Variants in SERINC1 observed in about 807,000 individuals in gnomAD.
SERINC1 encodes tumor differentially expressed protein 2.
Under a neutral mutation model 52.9 loss-of-function variants are expected in SERINC1, and 38 were observed. That is an observed-to-expected ratio of 0.72 (90% CI 0.55 to 0.94). The LOEUF is 0.94. SERINC1 is among the 40% of genes least tolerant of loss of function. SERINC1 has a pLI of 0.00. For missense variants in SERINC1, 471 were observed against 533.9 expected, an observed-to-expected ratio of 0.88 and a Z score of 1.16; for synonymous variants, 198 against 183.1, an observed-to-expected ratio of 1.08 and a Z score of -0.66.
intron 1 of SERINC1, among the ~76,000 whole-genome samples, chr6:122,460,210 T>C (rs1775076988): frequency 6.6e-6 from 1 of 152,274 alleles, no homozygotes. Context: ...GTAGCTGGGA[T>C]TGCAGGCGTG....
intron 1 of SERINC1, among the ~76,000 whole-genome samples, chr6:122,466,057 G>C (rs557880675): frequency 2.2e-4 from 33 of 152,100 alleles, no homozygotes; most frequent in Admixed American, 2.6e-4. Flanking sequence ...CCAACATGGT[G>C]AAACAGTCTC....
Position 122,454,224 on chromosome 6 carries a change from C to A in SERINC1, c.378G>T (p.Trp126Cys). 1 of 1,541,326 alleles carries A rather than the reference C, an allele frequency of 6.5e-7. No homozygotes were observed. The highest frequency in any genetic ancestry group is 2.3e-5 in the East Asian group (1 of 43,708). Residue 126 changes from tryptophan to cysteine, a missense_variant, in exon 4 of 10, where the codon TGG becomes TGT. Coordinates refer to ENST00000339697, the MANE Select transcript of SERINC1 (RefSeq NM_020755.4). Reference protein sequence around the residue: ...DPRAAVHNGFWFFKFAAAIAI... With the variant: ...DPRAAVHNGFCFFKFAAAIAI... ...CAATTGCTGCAGCAAATTTAAAGAA[C>A]CAAAATCTAAAACAAAAAGAAATAT...
rs9490456 is a variant in SERINC1, at chr6:122,459,526, A to G, written c.40-845T>C. Among the ~76,000 whole-genome samples the G allele has an allele frequency of 5.8e-4, 88 of 152,334 alleles. 1 individual carries two copies. The highest frequency in any genetic ancestry group is 2.1e-3 in the African/African-American group (88 of 41,578). ...TAAGGTAAGAATAAAGCTGCTTTAT[A>G]TTAAACGTCCACAAAACGGAAATAC... On this transcript the variant is annotated intron_variant, in intron 1 of 9. Coordinates refer to ENST00000339697, the MANE Select transcript of SERINC1 (RefSeq NM_020755.4).
At chr6:122,446,172 C>A (rs1399922602) in intron 9 of SERINC1, among the ~76,000 whole-genome samples, 1 of 151,528 alleles carries the variant, frequency 6.6e-6, no homozygotes, top group Non-Finnish European at 1.5e-5. Flanking sequence ...TGGACAAAAC[C>A]AGAACTTTCA....
At chr6:122,452,941 A>AT (rs939789498) in intron 5 of SERINC1, among the ~76,000 whole-genome samples, 1 of 152,178 alleles carries the variant, frequency 6.6e-6, no homozygotes, top group African/African-American at 2.4e-5. Flanking sequence ...TTGCACTCCA[A>AT]TTTAAAATTT....
At chr6:122,451,636 A>T in intron 7 of SERINC1, 28 bp downstream of exon 7, 1 of 822,492 alleles carries the variant, frequency 1.2e-6, no homozygotes, top group Non-Finnish European at 2.0e-6. Flanking sequence ...CAGAACCTTT[A>T]GGAACATGTA....
rs374012013 is a variant in SERINC1, at chr6:122,452,376, TAAAG to T, written c.590-323_590-320del. 2.4e-4 allele frequency among the ~76,000 whole-genome samples: 36 copies of T among 152,206 alleles called. No homozygotes were observed. The East Asian group carries it at 3.1e-3, about 13-fold the overall frequency. ...TACATGTTAGCCATTATTTTCAAAATAAAGAAAAATAACTATAAGAGGAATATTA... is the reference window on the plus strand; with the variant it reads ...TACATGTTAGCCATTATTTTCAAAATAAAAATAACTATAAGAGGAATATTA... On this transcript the variant is annotated intron_variant, in intron 5 of 9. Coordinates refer to ENST00000339697, the MANE Select transcript of SERINC1 (RefSeq NM_020755.4).
In SERINC1 at chr6:122,458,627, C is replaced by A. The variant is rs1411668378; in HGVS notation, c.94G>T (p.Gly32Ter). 1 of 1,611,774 alleles carries A rather than the reference C, an allele frequency of 6.2e-7. No homozygotes were observed. Among genetic ancestry groups the A allele is most frequent in the East Asian group, 2.2e-5 (1 of 44,832 alleles). Residue 32 changes from glycine to a stop codon, truncating the protein, a stop_gained, in exon 2 of 10, where the codon GGA becomes TGA. Coordinates refer to ENST00000339697, the MANE Select transcript of SERINC1 (RefSeq NM_020755.4). LOFTEE classifies it high-confidence loss of function. The part of the protein sequence containing the change: ...PCLLCRCCPS[G>*]NNSTVTRLIY... The stretch of plus-strand genomic sequence containing the variant: ...AATCTAGTTACAGTGGAGTTGTTTC[C>A]ACTAGGACAGCATCGGCATAGCAAA...
chr6:122,447,280 C>T lies in SERINC1; in HGVS notation c.851-15G>A. On this transcript the variant is annotated splice_polypyrimidine_tract_variant and intron_variant, in intron 7 of 9. Transcript: ENST00000339697. ...GCAATTTGTTTCTGTAATATAAAGCCAAATTAAAATGTTAGAATATATTAA... is the reference window on the plus strand; with the variant it reads ...GCAATTTGTTTCTGTAATATAAAGCTAAATTAAAATGTTAGAATATATTAA... The T allele has an allele frequency of 6.3e-7, 1 of 1,583,734 alleles. No individual in the cohort carries two copies. Among genetic ancestry groups the T allele is most frequent in the Non-Finnish European group, 8.7e-7 (1 of 1,154,910 alleles).
At position 122,445,095 on chromosome 6, in the gene SERINC1, A is replaced by G. The variant is rs1258971319; in HGVS notation, c.1311T>C (p.Tyr437=). 2.5e-6 allele frequency: 4 copies of G among 1,614,136 alleles called. No homozygotes were observed. Among genetic ancestry groups the G allele is most frequent in the Admixed American group, 1.7e-5 (1 of 60,024 alleles). Residue 437 remains tyrosine, a synonymous_variant, in exon 10 of 10, where the codon TAT becomes TAC. Coordinates refer to ENST00000339697, the MANE Select transcript of SERINC1 (RefSeq NM_020755.4). The stretch of plus-strand genomic sequence containing the variant: ...CAAGTGGTGCCACGAGTGTCCAAAC[A>G]TACAGCACGATGCCAATCCAACTGG... The part of the protein sequence containing the change: ...ISSSWIGIVL[Y]VWTLVAPLVL...
At chr6:122,454,529 C>A in intron 3 of SERINC1, 1 of 274,180 alleles carries the variant, frequency 3.6e-6, no homozygotes, top group South Asian at 6.0e-5. Flanking sequence ...ATAAGAAAGG[C>A]AAGTCAACAT....
At chr6:122,451,776 A>AAAAAAAAT in intron 6 of SERINC1, 22 bp from the exon 7 acceptor site, 74 of 113,018 alleles carry the variant, frequency 6.5e-4, no homozygotes, top group African/African-American at 1.2e-3. Flanking sequence ...AAAAAAAAAA[A>AAAAAAAAT]ATATATATAT....
chr6:122,452,864 T>C (rs1184856064), intron 5 of SERINC1, among the ~76,000 whole-genome samples: 3 of 152,136 alleles, frequency 2.0e-5, no homozygotes, highest in Non-Finnish European at 4.4e-5. Flanking sequence ...CTTGAACCAC[T>C]GAGATAAAAC....
In SERINC1 at chr6:122,454,054, C is replaced by G. The variant is rs534475688; in HGVS notation, c.451+97G>C. 3.5e-5 allele frequency: 40 copies of G among 1,139,438 alleles called. No individual in the cohort carries two copies. In the East Asian group the frequency reaches 9.7e-4, roughly 28 times the overall value. 70.6% of individuals were successfully genotyped at this position (1,139,438 alleles called of 1,614,324 possible). A position where few individuals can be genotyped will look rare whatever the true frequency, so the allele number is the denominator to read the frequency against. Reference sequence around the variant, plus strand: ...TGGGGAAACACACACACACACACCCCCAAACAAAAAGACAAACAATTATAG... The same window carrying G: ...TGGGGAAACACACACACACACACCCGCAAACAAAAAGACAAACAATTATAG... On this transcript the variant is annotated intron_variant, in intron 4 of 9. Coordinates refer to ENST00000339697, the MANE Select transcript of SERINC1 (RefSeq NM_020755.4).
Position 122,447,181 on chromosome 6 carries a change from C to T in SERINC1, c.935G>A (p.Trp312Ter). 1.2e-6 allele frequency: 2 copies of T among 1,612,882 alleles called. No homozygotes were observed. The highest frequency in any genetic ancestry group is 1.7e-6 in the Non-Finnish European group (2 of 1,178,904). The change falls in exon 8 of 10, where the codon TGG becomes TAG. Residue 312 changes from tryptophan (W) to a stop codon, truncating the protein, a stop_gained. Coordinates refer to ENST00000339697, the MANE Select transcript of SERINC1 (RefSeq NM_020755.4). LOFTEE classifies it high-confidence loss of function. The stretch of plus-strand genomic sequence containing the variant: ...TCCTATAATTCCTTGAGCATGCCAC[C>T]ACTGGACTGACTGCCCTTCCTTTGG... ...TVPKEGQSVQ[W>*]WHAQGIIGLI...
chr6:122,470,779 C>A (rs1479849408), intron 1 of SERINC1, among the ~76,000 whole-genome samples: 1 of 152,016 alleles, frequency 6.6e-6, no homozygotes, highest in African/African-American at 2.4e-5. Flanking sequence ...AAATTCCAGA[C>A]TAAAGAAAAG....
In SERINC1 at chr6:122,444,159, T is replaced by G. The variant is rs929432074; in HGVS notation, c.*885A>C. ...ACAGGCATATGCTACAAAGCCCAGA[T>G]TATTTTTTATAGAAACAGGGTTTCA... On this transcript the variant is annotated 3_prime_UTR_variant, in exon 10 of 10. Coordinates refer to ENST00000339697, the MANE Select transcript of SERINC1 (RefSeq NM_020755.4). 6.6e-6 allele frequency: 1 copy of G among 152,092 alleles called. No homozygotes were observed. Among genetic ancestry groups the G allele is most frequent in the Admixed American group, 6.6e-5 (1 of 15,252 alleles). 9.4% of individuals were successfully genotyped at this position (152,092 alleles called of 1,614,324 possible). A position where few individuals can be genotyped will look rare whatever the true frequency, so the allele number is the denominator to read the frequency against.
chr6:122,465,394 T>C (rs1775170926), intron 1 of SERINC1, among the ~76,000 whole-genome samples: 1 of 152,136 alleles, frequency 6.6e-6, no homozygotes, highest in South Asian at 2.1e-4. Context: ...AACATGAGGT[T>C]TGACAGGGAA....
chr6:122,458,572 A>T lies in SERINC1; in HGVS notation c.149T>A (p.Val50Glu), dbSNP rs1338492399. 6.2e-7 allele frequency: 1 copy of T among 1,613,288 alleles called. No individual in the cohort carries two copies. Among genetic ancestry groups the T allele is most frequent in the Non-Finnish European group, 8.5e-7 (1 of 1,179,372 alleles). ...TATCAACATTACACAAGCTACACAT[A>T]CTCCAACAAGCAAGAAAAGTGCATA... Reference protein sequence around the residue: ...LIYALFLLVGVCVACVMLIPG... With the variant: ...LIYALFLLVGECVACVMLIPG... The change falls in exon 2 of 10, where the codon GTA (valine) becomes GAA (glutamate). Residue 50 changes from valine (V) to glutamate (E), a missense_variant. Transcript: ENST00000339697.
Sources: allele counts gnomAD v4.1 joint callset (sites outside exome capture counted in the v4.1 genomes callset), GRCh38; gene constraint gnomAD v4.1.1; transcripts MANE v1.5; gene names NCBI Gene and HGNC (gene_info 2026-07-23, HGNC 2026-07-21).